Variants in TRPS1 observed in about 807,000 individuals in gnomAD.
TRPS1 encodes transcriptional repressor GATA binding 1.
A neutral mutation model predicts 101.2 loss-of-function variants in TRPS1; 6 were observed. That is an observed-to-expected ratio of 0.06 (90% CI 0.03 to 0.12). TRPS1 has a LOEUF of 0.12. TRPS1 is among the 10% of genes least tolerant of loss of function. TRPS1 has a pLI of 1.00. For missense variants in TRPS1, 1,363 were observed against 1,567.0 expected, an observed-to-expected ratio of 0.87 and a Z score of 2.20; for synonymous variants, 578 against 589.8, an observed-to-expected ratio of 0.98 and a Z score of 0.29.
chr8:115,514,891 T>A (rs985636811), intron 5 of TRPS1, among the ~76,000 whole-genome samples: 1 of 151,806 alleles, frequency 6.6e-6, no homozygotes. Context: ...CACAAGATCT[T>A]TATAGTGCCA....
At chr8:115,474,296 G>C (rs1273957560) in intron 5 of TRPS1, among the ~76,000 whole-genome samples, 2 of 152,102 alleles carry the variant, frequency 1.3e-5, no homozygotes, top group African/African-American at 2.4e-5. Flanking sequence ...CAAGATCATA[G>C]TGTTAGAACC....
chr8:115,620,588 C>T (rs995386830), intron 2 of TRPS1, among the ~76,000 whole-genome samples: 12 of 151,920 alleles, frequency 7.9e-5, no homozygotes, highest in Admixed American at 5.2e-4. Context: ...CCTATGTAAC[C>T]GGGATGTAAA....
chr8:115,468,886 T>C (rs1814393286), intron 5 of TRPS1, among the ~76,000 whole-genome samples: 1 of 152,182 alleles, frequency 6.6e-6, no homozygotes, highest in Non-Finnish European at 1.5e-5. Flanking sequence ...ACTCCTGTAA[T>C]CCCCACACTT....
At position 115,529,248 on chromosome 8, in the gene TRPS1, C is replaced by A. The variant is rs542067255; in HGVS notation, c.2700+57753G>T. 1.4e-4 allele frequency among the ~76,000 whole-genome samples: 21 copies of A among 152,028 alleles called. No individual in the cohort carries two copies. The South Asian group carries it at 4.4e-3, about 32-fold the overall frequency. On this transcript the variant is annotated intron_variant, in intron 5 of 6. Transcript: ENST00000395715. ...CAGAAATGGTGTACATGCCAGTGAG[C>A]AGAACTGTGGAGGTCAGGTGAGCAA... is the stretch of plus-strand genomic sequence containing the variant.
chr8:115,634,256 G>A (rs992815848), intron 1 of TRPS1, among the ~76,000 whole-genome samples: 5 of 152,146 alleles, frequency 3.3e-5, no homozygotes, highest in African/African-American at 9.7e-5. Flanking sequence ...AAACAAGCTT[G>A]AGAACTTTGG....
At chr8:115,557,328 G>T (rs1816844783) in intron 5 of TRPS1, among the ~76,000 whole-genome samples, 2 of 152,118 alleles carry the variant, frequency 1.3e-5, no homozygotes, top group South Asian at 4.2e-4. Flanking sequence ...CTCAAAAGAT[G>T]GTAAGTCATG....
chr8:115,657,079 A>C (rs746872376), intron 1 of TRPS1, among the ~76,000 whole-genome samples: 20 of 152,184 alleles, frequency 1.3e-4, no homozygotes, highest in Non-Finnish European at 2.9e-4. Flanking sequence ...TAAAGACAAA[A>C]ATTCAAGTTA....
Position 115,604,820 on chromosome 8 carries a change from C to T in TRPS1, c.1149G>A (p.Glu383=). Residue 383 remains glutamate (E), a synonymous_variant, in exon 4 of 7, where the codon GAG becomes GAA. Transcript: ENST00000395715. This position sits in a 1 kb window ranked among gnomAD's most constrained non-coding sequence, Gnocchi z 4.1. ...NKIKASLPSS[E]VAKPSEKNSN... ...AGTTTTTCTCTGAAGGTTTTGCAAC[C>T]TCAGAGGAGGGGAGAGAAGCTTTTA... is the stretch of plus-strand genomic sequence containing the variant. 1 of 1,614,016 alleles carries T rather than the reference C, an allele frequency of 6.2e-7. No individual in the cohort carries two copies. The highest frequency in any genetic ancestry group is 1.3e-5 in the African/African-American group (1 of 75,026).
intron 1 of TRPS1, among the ~76,000 whole-genome samples, chr8:115,641,442 AC>A (rs1418634524): frequency 1.1e-4 from 17 of 152,212 alleles, no homozygotes; most frequent in Non-Finnish European, 2.1e-4. Flanking sequence ...TCTGTAGGGA[AC>A]AACCACAGAT....
At chr8:115,415,195 C>A in intron 6 of TRPS1, 111 bp from the exon 7 acceptor site, 1 of 1,156,206 alleles carries the variant, frequency 8.6e-7, no homozygotes. Flanking sequence ...CAGGGATAGG[C>A]TTTCTGCTGT....
intron 5 of TRPS1, among the ~76,000 whole-genome samples, chr8:115,496,618 A>T (rs1319365947): frequency 1.3e-5 from 2 of 152,220 alleles, no homozygotes; most frequent in East Asian, 3.9e-4. Flanking sequence ...GGAGAAAAAA[A>T]TTAGTAAATT....
chr8:115,463,100 A>G (rs578228554), intron 5 of TRPS1, among the ~76,000 whole-genome samples: 22 of 152,328 alleles, frequency 1.4e-4, no homozygotes, highest in African/African-American at 5.0e-4. Context: ...GAGAGCTGAA[A>G]AAGTGTTTGA....
chr8:115,608,711 CT>C (rs1818095445), intron 3 of TRPS1, among the ~76,000 whole-genome samples: 1 of 151,616 alleles, frequency 6.6e-6, no homozygotes, highest in African/African-American at 2.4e-5. Flanking sequence ...GTTCCATAGC[CT>C]TCCTTGGCCA....
chr8:115,561,655 G>A (rs1427535420), intron 5 of TRPS1, among the ~76,000 whole-genome samples: 1 of 151,994 alleles, frequency 6.6e-6, no homozygotes, highest in Non-Finnish European at 1.5e-5. Context: ...ACGATAACCT[G>A]AGTAAAGTCT....
chr8:115,443,184 C>T (rs1049933517), intron 5 of TRPS1, among the ~76,000 whole-genome samples: 4 of 151,784 alleles, frequency 2.6e-5, no homozygotes, highest in Non-Finnish European at 4.4e-5. Context: ...GCAGGACAAT[C>T]GCTTGAACCC....
chr8:115,447,012 T>C (rs1257084980), intron 5 of TRPS1, among the ~76,000 whole-genome samples: 1 of 152,170 alleles, frequency 6.6e-6, no homozygotes, highest in Non-Finnish European at 1.5e-5. Flanking sequence ...TACAAATATG[T>C]TTCTTTTGCC....
At chr8:115,467,861 G>A (rs951446890) in intron 5 of TRPS1, among the ~76,000 whole-genome samples, 2 of 152,138 alleles carry the variant, frequency 1.3e-5, no homozygotes, top group Admixed American at 1.3e-4. Context: ...ATCATAACCT[G>A]AGCTTCTTCC....
chr8:115,599,923 T>C (rs953307549), intron 4 of TRPS1, among the ~76,000 whole-genome samples: 1 of 152,210 alleles, frequency 6.6e-6, no homozygotes, highest in African/African-American at 2.4e-5. Flanking sequence ...CACATAGTCT[T>C]CCACAATGGT....
rs1361053225 is a variant in TRPS1, at chr8:115,515,554, ATGAC to A, written c.2700+71443_2700+71446del. ...TAATAAACTTATACTTTCTAAATAA[ATGAC>A]TAAGTATTTCATGTTGATAAGACAT... On this transcript the variant is annotated intron_variant, in intron 5 of 6. Transcript: ENST00000395715. Among the ~76,000 whole-genome samples the A allele has an allele frequency of 2.7e-5, 4 of 146,010 alleles. 1 individual carries two copies. The highest frequency in any genetic ancestry group is 7.8e-5 in the African/African-American group (3 of 38,692).
Sources: allele counts gnomAD v4.1 joint callset (sites outside exome capture counted in the v4.1 genomes callset), GRCh38; gene constraint gnomAD v4.1.1; non-coding constraint Gnocchi (gnomAD v3.1); transcripts MANE v1.5; gene names NCBI Gene and HGNC (gene_info 2026-07-23, HGNC 2026-07-21).